Variants in ANK1 observed in about 807,000 individuals in gnomAD.
ANK1 encodes ankyrin 1, also known as ankyrin-1.
ANK1 carries 51 observed loss-of-function variants against 210.4 expected under a neutral mutation model. The observed-to-expected ratio is 0.24, with a 90% CI of 0.19 to 0.31. The LOEUF (loss-of-function observed/expected upper bound fraction) is 0.31, where lower values mean the gene tolerates loss of function less well. Ranked by LOEUF, ANK1 falls within the 10% of genes least tolerant of loss-of-function variation. The pLI is 1.00. For missense variants in ANK1, 2,051 were observed against 2,504.4 expected (o/e 0.82, Z 3.86); for synonymous variants, 967 against 1,025.9 (o/e 0.94, Z 1.10).
intron 1 of ANK1, among the ~76,000 whole-genome samples, chr8:41,848,369 G>A (rs1392940700): frequency 6.6e-6 from 1 of 152,156 alleles, no homozygotes; most frequent in Non-Finnish European, 1.5e-5. Flanking sequence ...ACTCTAGAAG[G>A]TTCTTGGCTA....
At chr8:41,684,808 G>A (rs1400102296) in intron 36 of ANK1, 118 bp from the exon 37 acceptor site, 1 of 1,300,924 alleles carries the variant, frequency 7.7e-7, no homozygotes, top group African/African-American at 1.5e-5. Context: ...TCAGAAGGTG[G>A]AGGCACCCTC....
chr8:41,663,632 G>C, intron 40 of ANK1, 27 bp downstream of exon 40: 2 of 1,600,308 alleles, frequency 1.2e-6, no homozygotes, highest in Non-Finnish European at 1.7e-6. Context: ...CCTCTCCCCA[G>C]CACAGAGGGG....
chr8:41,741,982 C>G (rs560957106), intron 2 of ANK1, among the ~76,000 whole-genome samples: 1 of 152,324 alleles, frequency 6.6e-6, no homozygotes, highest in South Asian at 2.1e-4. Context: ...TGCCTTTGCT[C>G]TTTTTCAGGT....
chr8:41,764,911 T>C (rs1229234464), intron 1 of ANK1, among the ~76,000 whole-genome samples: 1 of 152,194 alleles, frequency 6.6e-6, no homozygotes, highest in African/African-American at 2.4e-5. Context: ...TGTTTTGTTA[T>C]CTCCTTTTTA....
chr8:41,687,014 C>G (rs1289305500), intron 35 of ANK1, among the ~76,000 whole-genome samples: 2 of 152,176 alleles, frequency 1.3e-5, no homozygotes, highest in Admixed American at 1.3e-4. Context: ...CATGCACACA[C>G]ACGCCCCCTG....
intron 16 of ANK1, among the ~76,000 whole-genome samples, chr8:41,710,445 T>G (rs1180207513): frequency 6.6e-6 from 1 of 152,226 alleles, no homozygotes; most frequent in Non-Finnish European, 1.5e-5. Flanking sequence ...CAAACTCTGA[T>G]GTGTACACAA....
intron 1 of ANK1, among the ~76,000 whole-genome samples, chr8:41,838,333 T>C (rs1808171355): frequency 6.6e-6 from 1 of 152,212 alleles, no homozygotes. Context: ...TTCCACGCTG[T>C]AGGACCTGAA....
chr8:41,819,836 A>G (rs1419611064), intron 1 of ANK1, among the ~76,000 whole-genome samples: 1 of 152,220 alleles, frequency 6.6e-6, no homozygotes, highest in Non-Finnish European at 1.5e-5. Flanking sequence ...AACATAAAAC[A>G]AGCTGGAAGG....
chr8:41,745,335 C>T (rs1051584050), intron 2 of ANK1, among the ~76,000 whole-genome samples: 4 of 152,246 alleles, frequency 2.6e-5, no homozygotes, highest in Admixed American at 6.5e-5. Flanking sequence ...AGTGTCCTTA[C>T]TTTTGGATGG....
rs113406823 is a variant in ANK1, at chr8:41,805,126, C to CTCTT, written c.127-46993_127-46990dup. 2.0e-5 allele frequency among the ~76,000 whole-genome samples: 3 copies of CTCTT among 150,988 alleles called. No homozygotes were observed. The East Asian group carries it at 5.8e-4, about 29-fold the overall frequency. ...TTCTCTCTCTCATAGAGCTCTTTCTCTCTTTCTTTCTCTCTCTCTCATAGA... is the reference window on the plus strand; with the variant it reads ...TTCTCTCTCTCATAGAGCTCTTTCTCTCTTTCTTTCTTTCTCTCTCTCTCATAGA... On this transcript the variant is annotated intron_variant, in intron 1 of 42. Transcript: ENST00000265709.
chr8:41,713,036 C>T (rs971193366), intron 16 of ANK1, among the ~76,000 whole-genome samples: 3 of 152,158 alleles, frequency 2.0e-5, no homozygotes, highest in East Asian at 1.9e-4. Flanking sequence ...GATGGGGACA[C>T]GTGTCTGTCC....
intron 1 of ANK1, among the ~76,000 whole-genome samples, chr8:41,814,797 T>C (rs1336985270): frequency 6.6e-6 from 1 of 152,074 alleles, no homozygotes; most frequent in African/African-American, 2.4e-5. Flanking sequence ...TCATGACTGA[T>C]TTATCGGAAC....
rs764254298 is a variant in ANK1, at chr8:41,704,506, G to A, written c.2098-34C>T. 5.1e-6 allele frequency: 8 copies of A among 1,562,282 alleles called. No homozygotes were observed. In the African/African-American group the frequency reaches 1.1e-4, roughly 21 times the overall value. On this transcript the variant is annotated intron_variant, in intron 18 of 42. Coordinates refer to ENST00000289734, the MANE Select transcript of ANK1 (RefSeq NM_000037.4). This position sits in a 1 kb window ranked among gnomAD's most constrained non-coding sequence, Gnocchi z 4.1. Reference sequence around the variant, plus strand: ...CAGATGAGAAGGAGTGACCGGAGCTGTCCTGAGCTGGGCATCACATGAAAT... The same window carrying A: ...CAGATGAGAAGGAGTGACCGGAGCTATCCTGAGCTGGGCATCACATGAAAT...
intron 1 of ANK1, among the ~76,000 whole-genome samples, chr8:41,874,007 A>G (rs1279680530): frequency 6.6e-6 from 1 of 152,118 alleles, no homozygotes; most frequent in Non-Finnish European, 1.5e-5. Context: ...GGCACACACA[A>G]GCATGCACAC....
intron 29 of ANK1, 25 bp from the exon 30 acceptor site, chr8:41,693,226 T>C: frequency 6.5e-7 from 1 of 1,542,022 alleles, no homozygotes; most frequent in Non-Finnish European, 9.0e-7. Context: ...GAAATGGGGC[T>C]GGGGACAGTC....
chr8:41,719,707 G>A lies in ANK1; in HGVS notation c.1061C>T (p.Ala354Val). The part of the protein sequence containing the change: ...VAAHCGHHRV[A>V]KVLLDKGAKP... ...GGCCCCTTTATCCAGAAGGACCTTA[G>A]CCACCCTGTGGTGTCCACAGTGGGC... Residue 354 changes from alanine (A) to valine (V), a missense_variant, in exon 10 of 43, where the codon GCT becomes GTT. This residue lies in a region of ANK1 where 1,413 missense variants were observed against 1,707.4 expected (regional missense o/e 0.83). Coordinates refer to ENST00000289734, the MANE Select transcript of ANK1 (RefSeq NM_000037.4). The A allele has an allele frequency of 6.2e-7, 1 of 1,614,220 alleles. No homozygotes were observed. The highest frequency in any genetic ancestry group is 1.3e-5 in the African/African-American group (1 of 75,034).
chr8:41,697,915 G>T lies in ANK1; in HGVS notation c.2637+128C>A. ...TGAGGCGTCCAAGCGTGGAATGCCA[G>T]TTGGACAGTGAGTGGCATGTGAGCT... On this transcript the variant is annotated intron_variant, in intron 24 of 42. Transcript: ENST00000289734. The T allele has an allele frequency of 3.4e-6, 3 of 887,436 alleles. No homozygotes were observed. In the South Asian group the frequency reaches 4.2e-5, roughly 13 times the overall value. The allele number at this position is 887,436 out of a possible 1,614,324, so 55.0% of individuals were successfully genotyped here.
chr8:41,728,111 C>T (rs1831194827), intron 3 of ANK1, 105 bp from the exon 4 acceptor site: 1 of 1,039,524 alleles, frequency 9.6e-7, no homozygotes, highest in East Asian at 2.5e-5. Context: ...CGGGGGCTTT[C>T]TTCATGGCCA....
chr8:41,705,197 G>C (rs1170825996), intron 18 of ANK1, among the ~76,000 whole-genome samples: 1 of 152,170 alleles, frequency 6.6e-6, no homozygotes, highest in Non-Finnish European at 1.5e-5. Context: ...TGAGCTCCTT[G>C]GTCCCAAGTG....
Sources: gnomAD v4.1 joint callset for allele counts (sites outside exome capture counted in the v4.1 genomes callset) on GRCh38, gnomAD v4.1.1 for gene constraint, gnomAD v4.1.1 regional missense constraint, Gnocchi (gnomAD v3.1) non-coding constraint, MANE v1.5 for transcripts, NCBI Gene and HGNC (gene_info 2026-07-23, HGNC 2026-07-21) for gene names.